The following CLEC4F variants were observed in gnomAD, a reference collection of about 807,000 sequenced individuals.
The protein encoded by CLEC4F is C-type lectin domain family 4 member F, also known as C-type (calcium dependent, carbohydrate-recognition domain) lectin, superfamily member 13.
In CLEC4F, 45 loss-of-function variants were observed where a neutral mutation model predicts 53.4. The ratio of observed to expected loss-of-function variants is 0.84; its 90% CI spans 0.66 to 1.08. The LOEUF is 1.08. Ranked by LOEUF, CLEC4F falls within the 50% of genes least tolerant of loss-of-function variation. The pLI is 0.00. For synonymous variants in CLEC4F, 245 were observed against 257.5 expected (o/e 0.95, Z 0.46); for missense variants, 753 against 698.2 (o/e 1.08, Z -0.88).
chr2:70,816,198 G>A lies in CLEC4F; in HGVS notation c.1183C>T (p.Gln395Ter). ...NASREIQTLK[Q>*]GMKNASALTS... ...AAGGCTGAAGCATTCTTCATTCCTT[G>A]TTTTAGGGTCTGTATCTCTCTGCTG... The change falls in exon 4 of 7, where the codon CAA becomes TAA. Residue 395 changes from glutamine to a stop codon, truncating the protein, a stop_gained. Coordinates refer to ENST00000272367, the MANE Select transcript of CLEC4F (RefSeq NM_173535.3). LOFTEE classifies it high-confidence loss of function. 6.2e-7 allele frequency: 1 copy of A among 1,614,142 alleles called. No individual in the cohort carries two copies. The highest frequency in any genetic ancestry group is 8.5e-7 in the Non-Finnish European group (1 of 1,180,016).
chr2:70,813,567 CTCTT>C (rs1676695572), intron 4 of CLEC4F, among the ~76,000 whole-genome samples: 1 of 131,534 alleles, frequency 7.6e-6, no homozygotes, highest in Non-Finnish European at 1.7e-5. Flanking sequence ...TTCTTTCTTT[CTCTT>C]TCTTTTTCTT....
In CLEC4F at chr2:70,816,795, G is replaced by A. The variant is rs782407256; in HGVS notation, c.586C>T (p.Gln196Ter). 17 of 1,613,986 alleles carry A rather than the reference G, an allele frequency of 1.1e-5. No individual in the cohort carries two copies. The highest frequency in any genetic ancestry group is 6.7e-5 in the Admixed American group (4 of 59,990). ...CTGCTTTTTAAGAAATTCAGCGTCT[G>A]GAAAGTTAAAGCATCTGCCTTTTCA... ...DLEKADALTF[Q>*]TLNFLKSSLE... The change falls in exon 4 of 7, where the codon CAG (glutamine) becomes TAG (stop). Residue 196 changes from glutamine (Q) to a stop codon, truncating the protein, a stop_gained. Transcript: ENST00000272367. LOFTEE classifies it high-confidence loss of function.
chr2:70,814,790 G>T (rs72835793), intron 4 of CLEC4F, among the ~76,000 whole-genome samples: 7 of 148,866 alleles, frequency 4.7e-5, no homozygotes, highest in Admixed American at 1.3e-4. Flanking sequence ...GATGCCAGTA[G>T]ATCCACCTAG....
Position 70,808,908 on chromosome 2 carries a change from C to G in CLEC4F, c.*363G>C, listed in dbSNP as rs551717382. 9 of 632,498 alleles carry G rather than the reference C, an allele frequency of 1.4e-5. No individual in the cohort carries two copies. The highest frequency in any genetic ancestry group is 2.5e-5 in the Non-Finnish European group (9 of 363,092). The allele number at this position is 632,498 out of a possible 1,614,324, so 39.2% of individuals were successfully genotyped here. A position where few individuals can be genotyped will look rare whatever the true frequency, so the allele number is the denominator to read the frequency against. ...GGTCAGTATTGGCAAGCAGGAGCAGCCCCTCAGCTCTGGCCTGCCCTCAGG... is the reference window on the plus strand; with the variant it reads ...GGTCAGTATTGGCAAGCAGGAGCAGGCCCTCAGCTCTGGCCTGCCCTCAGG... On this transcript the variant is annotated 3_prime_UTR_variant, in exon 7 of 7. Transcript: ENST00000272367.
chr2:70,809,302 G>T lies in CLEC4F; in HGVS notation c.1739C>A (p.Thr580Asn). Residue 580 changes from threonine to asparagine, a missense_variant, in exon 7 of 7, where the codon ACC becomes AAC. Transcript: ENST00000272367. ...SGMGACSFID[T>N]PPCPWILSN ...ACTGAGGATCCAGGGACAGGGAGGG[G>T]TGTCTATGAAGCTGCAAGCTCCCAT... The T allele has an allele frequency of 6.2e-7, 1 of 1,614,008 alleles. No homozygotes were observed. The highest frequency in any genetic ancestry group is 8.5e-7 in the Non-Finnish European group (1 of 1,179,970).
intron 5 of CLEC4F, chr2:70,811,122 C>T: frequency 1.5e-6 from 1 of 687,264 alleles, no homozygotes. Flanking sequence ...TAGCACGACA[C>T]TCTTTTGGAG....
chr2:70,816,742 G>A lies in CLEC4F; in HGVS notation c.639C>T (p.His213=), dbSNP rs371728170. 5.3e-5 allele frequency: 85 copies of A among 1,613,928 alleles called. No individual in the cohort carries two copies. Among genetic ancestry groups the A allele is most frequent in the Admixed American group, 1.8e-4 (11 of 60,002 alleles). The part of the protein sequence containing the change: ...SSLENTSIEL[H]VLSRGLENAN... ...CATTTTCTAAGCCTCTGCTTAGCAC[G>A]TGGAGCTCAATGCTGGTGTTTTCTA... Residue 213 remains histidine (H), a synonymous_variant, in exon 4 of 7, where the codon CAC becomes CAT. Coordinates refer to ENST00000272367, the MANE Select transcript of CLEC4F (RefSeq NM_173535.3).
At chr2:70,810,069 G>A (rs1243586833) in intron 5 of CLEC4F, among the ~76,000 whole-genome samples, 2 of 151,922 alleles carry the variant, frequency 1.3e-5, no homozygotes, top group African/African-American at 2.4e-5. Flanking sequence ...TCTAAACTCA[G>A]GGTAAAACCA....
At position 70,819,419 on chromosome 2, in the gene CLEC4F, C is replaced by T. The variant is rs782608671; in HGVS notation, c.204G>A (p.Pro68=). ...VVVQQQTRPV[P]KPVQAVILGD... ...CCAGAATTACGGCTTGCACAGGCTT[C>T]GGAACAGGTCTTGTCTGCTGTTGAA... is the stretch of plus-strand genomic sequence containing the variant. The change falls in exon 3 of 7, where the codon CCG becomes CCA. Residue 68 remains proline (P), a synonymous_variant. Coordinates refer to ENST00000272367, the MANE Select transcript of CLEC4F (RefSeq NM_173535.3). 30 of 1,614,002 alleles carry T rather than the reference C, an allele frequency of 1.9e-5. No individual in the cohort carries two copies. Among genetic ancestry groups the T allele is most frequent in the Middle Eastern group, 1.6e-4 (1 of 6,084 alleles).
At chr2:70,811,311 T>C in intron 5 of CLEC4F, 1 of 1,020,814 alleles carries the variant, frequency 9.8e-7, no homozygotes, top group South Asian at 1.3e-5. Context: ...AAGAATTTTG[T>C]CAATATTGGA....
Position 70,819,038 on chromosome 2 carries a change from T to C in CLEC4F, c.268+317A>G, listed in dbSNP as rs1457621372. Among the ~76,000 whole-genome samples, 5 of 151,594 alleles carry C rather than the reference T, an allele frequency of 3.3e-5. No individual in the cohort carries two copies. The South Asian group carries it at 6.3e-4, about 19-fold the overall frequency. On this transcript the variant is annotated intron_variant, in intron 3 of 6. Transcript: ENST00000272367. Reference sequence around the variant, plus strand: ...AAGTAGATCTGTGGCTGCCCAGGGATGAGGAGAGGAAGGGAGAGGAAGGAA... The same window carrying C: ...AAGTAGATCTGTGGCTGCCCAGGGACGAGGAGAGGAAGGGAGAGGAAGGAA...
At chr2:70,809,936 A>G (rs368376926) in intron 5 of CLEC4F, 79 bp from the exon 6 acceptor site, 14 of 834,860 alleles carry the variant, frequency 1.7e-5, no homozygotes, top group Non-Finnish European at 2.3e-5. Flanking sequence ...ACCTGCTTAT[A>G]GATATACACA....
chr2:70,812,385 ACACCAAAGTCCCT>A, intron 5 of CLEC4F, 49 bp downstream of exon 5: 1 of 1,587,330 alleles, frequency 6.3e-7, no homozygotes, highest in South Asian at 1.1e-5. Context: ...GAAGGCCAAA[ACACCAAAGTCCCT>A]TATTCCACAC....
intron 5 of CLEC4F, among the ~76,000 whole-genome samples, chr2:70,810,317 A>T (rs1676476538): frequency 6.6e-6 from 1 of 152,176 alleles, no homozygotes; most frequent in Non-Finnish European, 1.5e-5. Context: ...TGAATAACTT[A>T]AAAAGTATTT....
chr2:70,811,576 G>T, intron 5 of CLEC4F: 1 of 322,616 alleles, frequency 3.1e-6, no homozygotes. Flanking sequence ...CAACAGGGGG[G>T]TAGGCAGTTC....
Position 70,809,230 on chromosome 2 carries a change from G to A in CLEC4F, c.*41C>T. ...TGGCCCTAGGATGAGGACAGGGCTG[G>A]GAGAAGGAGTACCCTGAGGGTGTCT... On this transcript the variant is annotated 3_prime_UTR_variant, in exon 7 of 7. Coordinates refer to ENST00000272367, the MANE Select transcript of CLEC4F (RefSeq NM_173535.3). The A allele has an allele frequency of 6.2e-7, 1 of 1,605,580 alleles. No individual in the cohort carries two copies. Among genetic ancestry groups the A allele is most frequent in the South Asian group, 1.1e-5 (1 of 89,122 alleles).
intron 5 of CLEC4F, among the ~76,000 whole-genome samples, chr2:70,811,897 C>A (rs1553394351): frequency 6.6e-6 from 1 of 152,030 alleles, no homozygotes; most frequent in Admixed American, 6.6e-5. Context: ...CATGGCGAAA[C>A]CCCATTTCTA....
At chr2:70,813,030 T>C (rs1676650148) in intron 4 of CLEC4F, among the ~76,000 whole-genome samples, 1 of 152,150 alleles carries the variant, frequency 6.6e-6, no homozygotes, top group South Asian at 2.1e-4. Context: ...TGGGACCTGG[T>C]CATCACCTGG....
chr2:70,816,017 T>C lies in CLEC4F; in HGVS notation c.1364A>G (p.Gln455Arg), dbSNP rs782811358. The change falls in exon 4 of 7, where the codon CAG (glutamine) becomes CGG (arginine). Residue 455 changes from glutamine to arginine, a missense_variant. Transcript: ENST00000272367. ...LKTLHVVITSQEQLQRTQSQL... is the reference protein window; with the variant it reads ...LKTLHVVITSREQLQRTQSQL... ...ACTTTGGGTTCTTTGTAGCTGTTCC[T>C]GTGAAGTAATGACCACATGGAGGGT... 1 of 1,613,704 alleles carries C rather than the reference T, an allele frequency of 6.2e-7. No homozygotes were observed. Among genetic ancestry groups the C allele is most frequent in the South Asian group, 1.1e-5 (1 of 90,938 alleles).
Sources: gnomAD v4.1 joint callset for allele counts (sites outside exome capture counted in the v4.1 genomes callset) on GRCh38, gnomAD v4.1.1 for gene constraint, MANE v1.5 for transcripts, NCBI Gene and HGNC (gene_info 2026-07-23, HGNC 2026-07-21) for gene names.